Variants in NDUFS4 observed in about 807,000 individuals in gnomAD.
The protein encoded by NDUFS4 is NADH:ubiquinone oxidoreductase subunit S4, also known as NADH dehydrogenase [ubiquinone] iron-sulfur protein 4, mitochondrial.
In NDUFS4, 28 loss-of-function variants were observed where a neutral mutation model predicts 24.3. The observed-to-expected ratio is 1.15, with a 90% CI of 0.85 to 1.58. The LOEUF is 1.58. Ranked by LOEUF, NDUFS4 falls within the 40% of genes most tolerant of loss-of-function variation. NDUFS4 has a pLI of 0.00. For synonymous variants in NDUFS4, 93 were observed against 69.7 expected (o/e 1.34, Z -1.67); for missense variants, 223 against 207.9 (o/e 1.07, Z -0.45).
intron 2 of NDUFS4, among the ~76,000 whole-genome samples, chr5:53,608,176 A>C (rs1750586421): frequency 6.6e-6 from 1 of 152,214 alleles, no homozygotes; most frequent in Non-Finnish European, 1.5e-5. Context: ...AGGTCTGCTA[A>C]GTGTGCATTA....
intron 1 of NDUFS4, among the ~76,000 whole-genome samples, chr5:53,584,894 A>G (rs568568070): frequency 3.6e-4 from 54 of 151,994 alleles, no homozygotes; most frequent in Non-Finnish European, 4.4e-4. Context: ...CAGCCTCCCA[A>G]GTAGCTGGGA....
intron 2 of NDUFS4, among the ~76,000 whole-genome samples, chr5:53,611,927 C>T (rs1211686998): frequency 6.6e-6 from 1 of 152,046 alleles, no homozygotes; most frequent in Non-Finnish European, 1.5e-5. Flanking sequence ...AGGTACTCCC[C>T]TAAAAAACAA....
At chr5:53,621,000 A>G (rs931257050) in intron 2 of NDUFS4, among the ~76,000 whole-genome samples, 4 of 152,166 alleles carry the variant, frequency 2.6e-5, no homozygotes, top group African/African-American at 9.7e-5. Context: ...TATCTTTACC[A>G]ATATTTTTGT....
In NDUFS4 at chr5:53,683,333, A is replaced by C; in HGVS notation, c.*112A>C. 1 of 780,750 alleles carries C rather than the reference A, an allele frequency of 1.3e-6. No individual in the cohort carries two copies. The highest frequency in any genetic ancestry group is 2.2e-6 in the Non-Finnish European group (1 of 451,266). 48.4% of individuals were successfully genotyped at this position (780,750 alleles called of 1,614,324 possible). A position where few individuals can be genotyped will look rare whatever the true frequency, so the allele number is the denominator to read the frequency against. ...ATCTCCTAATAAATTGGACCTTTAA[A>C]CTACAGATACATTTTGTGGTGTCTA... On this transcript the variant is annotated 3_prime_UTR_variant, in exon 5 of 5. Coordinates refer to ENST00000296684, the MANE Select transcript of NDUFS4 (RefSeq NM_002495.4).
At chr5:53,604,950 G>C (rs772386780) in intron 2 of NDUFS4, 1 of 447,002 alleles carries the variant, frequency 2.2e-6, no homozygotes, top group African/African-American at 2.0e-5. Context: ...GGCAGGGCAT[G>C]GTGGCTCATG....
chr5:53,610,691 T>G (rs1750667552), intron 2 of NDUFS4, among the ~76,000 whole-genome samples: 1 of 152,152 alleles, frequency 6.6e-6, no homozygotes, highest in Non-Finnish European at 1.5e-5. Context: ...TCAAAAAGCT[T>G]GCGAATCATT....
At chr5:53,616,774 G>C (rs905648680) in intron 2 of NDUFS4, among the ~76,000 whole-genome samples, 5 of 152,070 alleles carry the variant, frequency 3.3e-5, no homozygotes, top group Admixed American at 2.6e-4. Context: ...GGTTTGATCC[G>C]ATTTACTTGT....
chr5:53,591,838 A>G (rs1415378429), intron 1 of NDUFS4, among the ~76,000 whole-genome samples: 1 of 152,158 alleles, frequency 6.6e-6, no homozygotes, highest in East Asian at 1.9e-4. Context: ...ACTTTTTCAT[A>G]TACTTATTTA....
intron 4 of NDUFS4, among the ~76,000 whole-genome samples, chr5:53,682,323 A>AAAAT (rs1740692977): frequency 6.6e-6 from 1 of 152,090 alleles, no homozygotes; most frequent in African/African-American, 2.4e-5. Context: ...CTTTGGAAGG[A>AAAAT]AAATATAAAT....
chr5:53,580,669 T>C (rs202226858), intron 1 of NDUFS4, among the ~76,000 whole-genome samples: 2 of 107,090 alleles, frequency 1.9e-5, no homozygotes, highest in African/African-American at 3.3e-5. Context: ...TTCTCTCTCT[T>C]TCTTTCTTTC....
intron 2 of NDUFS4, among the ~76,000 whole-genome samples, chr5:53,626,998 G>A (rs1751249124): frequency 6.9e-6 from 1 of 145,916 alleles, no homozygotes; most frequent in African/African-American, 2.5e-5. Context: ...TTTTCTTCTA[G>A]GGTTTTTATA....
chr5:53,652,523 T>G (rs1298410694), intron 3 of NDUFS4, among the ~76,000 whole-genome samples: 2 of 152,198 alleles, frequency 1.3e-5, no homozygotes, highest in African/African-American at 4.8e-5. Context: ...AAACATGGTT[T>G]TATTTTTTAA....
intron 1 of NDUFS4, among the ~76,000 whole-genome samples, chr5:53,568,142 T>C (rs971409848): frequency 6.6e-6 from 1 of 152,234 alleles, no homozygotes; most frequent in African/African-American, 2.4e-5. Context: ...TTAGGTTCTT[T>C]AGAACTAGTT....
At chr5:53,568,144 G>A (rs957556823) in intron 1 of NDUFS4, among the ~76,000 whole-genome samples, 2 of 152,132 alleles carry the variant, frequency 1.3e-5, no homozygotes, top group Non-Finnish European at 2.9e-5. Context: ...AGGTTCTTTA[G>A]AACTAGTTAG....
Position 53,676,583 on chromosome 5 carries a change from G to A in NDUFS4, c.425-6535G>A, listed in dbSNP as rs74719611. On this transcript the variant is annotated intron_variant, in intron 4 of 4. Transcript: ENST00000296684. ...TAGATAACATTTCAGCAGTGTTTGG[G>A]GACCATTTTAAACAGTGAAATTACC... 2.4e-3 allele frequency among the ~76,000 whole-genome samples: 370 copies of A among 152,128 alleles called. 1 individual carries two copies. The highest frequency in any genetic ancestry group is 8.6e-3 in the African/African-American group (359 of 41,510).
chr5:53,598,715 C>T (rs568655749), intron 1 of NDUFS4, among the ~76,000 whole-genome samples: 30 of 152,202 alleles, frequency 2.0e-4, no homozygotes, highest in African/African-American at 6.5e-4. Flanking sequence ...AACTGTTTTA[C>T]TTAACCAGAG....
chr5:53,562,567 T>C (rs1357750613), intron 1 of NDUFS4, among the ~76,000 whole-genome samples: 1 of 152,016 alleles, frequency 6.6e-6, no homozygotes, highest in African/African-American at 2.4e-5. Flanking sequence ...TCATTTAATC[T>C]TGAAAAAAAA....
chr5:53,563,330 CAAA>C (rs1748918068), intron 1 of NDUFS4, among the ~76,000 whole-genome samples: 1 of 148,248 alleles, frequency 6.7e-6, no homozygotes, highest in Non-Finnish European at 1.5e-5. Flanking sequence ...AAAAGCAAAA[CAAA>C]GAATGCAACA....
chr5:53,660,975 A>C (rs202086094), intron 4 of NDUFS4, among the ~76,000 whole-genome samples: 15 of 151,930 alleles, frequency 9.9e-5, no homozygotes, highest in African/African-American at 2.7e-4. Flanking sequence ...ATGGTAGTTT[A>C]TTTTGCTGTG....
Sources: allele counts gnomAD v4.1 joint callset (sites outside exome capture counted in the v4.1 genomes callset), GRCh38; gene constraint gnomAD v4.1.1; transcripts MANE v1.5; gene names NCBI Gene and HGNC (gene_info 2026-07-23, HGNC 2026-07-21).